CNTNAP2: variants seen among roughly 807,000 people sequenced by gnomAD.
CNTNAP2 encodes the protein contactin-associated protein-like 2.
In CNTNAP2, 98 loss-of-function variants were observed where a neutral mutation model predicts 155.2. The observed-to-expected ratio is 0.63, with a 90% CI of 0.54 to 0.75. The LOEUF (loss-of-function observed/expected upper bound fraction) is 0.75, where lower values mean the gene tolerates loss of function less well. Ranked by LOEUF, CNTNAP2 falls within the 30% of genes least tolerant of loss-of-function variation. The pLI, the probability that CNTNAP2 is intolerant of heterozygous loss-of-function variation, is 0.00. For synonymous variants in CNTNAP2, 651 were observed against 631.2 expected (o/e 1.03, Z -0.47); for missense variants, 1,727 against 1,688.1 (o/e 1.02, Z -0.40).
At chr7:147,636,084 C>A (rs181876716) in intron 12 of CNTNAP2, among the ~76,000 whole-genome samples, 2 of 152,182 alleles carry the variant, frequency 1.3e-5, no homozygotes, top group East Asian at 1.9e-4. Flanking sequence ...CAGAAAGTGA[C>A]AGAATTACTA....
At chr7:146,568,420 A>C (rs1302354775) in intron 1 of CNTNAP2, among the ~76,000 whole-genome samples, 5 of 152,190 alleles carry the variant, frequency 3.3e-5, no homozygotes, top group Non-Finnish European at 5.9e-5. Context: ...ACAAAGGAGC[A>C]GTTTCTTTAT....
chr7:147,551,191 T>G (rs546174108), intron 11 of CNTNAP2, among the ~76,000 whole-genome samples: 2 of 152,236 alleles, frequency 1.3e-5, no homozygotes, highest in Non-Finnish European at 2.9e-5. Flanking sequence ...CAGGTTCAAC[T>G]ATTCTAGCAG....
rs1491437826 is a variant in CNTNAP2, at chr7:146,668,427, CCT to C, written c.98-105843_98-105842del. Among the ~76,000 whole-genome samples, 551 of 101,214 alleles carry C rather than the reference CCT, an allele frequency of 5.4e-3. 4 individuals are homozygous for C. The highest frequency in any genetic ancestry group is 0.02 in the African/African-American group (530 of 26,738). The allele number at this position is 101,214 out of a possible 152,430, so 66.4% of individuals were successfully genotyped here. A position where few individuals can be genotyped will look rare whatever the true frequency, so the allele number is the denominator to read the frequency against. On this transcript the variant is annotated intron_variant, in intron 1 of 23. Coordinates refer to ENST00000361727, the MANE Select transcript of CNTNAP2 (RefSeq NM_014141.6). ...GTCAGAGGTATTGGCCTGTAATTTT[CCT>C]GTGTGTGTGTGTGTGTGTGTGTGTG...
At chr7:147,154,925 G>A (rs1444090832) in intron 8 of CNTNAP2, among the ~76,000 whole-genome samples, 1 of 152,006 alleles carries the variant, frequency 6.6e-6, no homozygotes, top group African/African-American at 2.4e-5. Context: ...GGGCAAGTCA[G>A]GAAAGTGGAA....
At chr7:147,833,566 G>A (rs897065475) in intron 13 of CNTNAP2, among the ~76,000 whole-genome samples, 4 of 152,194 alleles carry the variant, frequency 2.6e-5, no homozygotes, top group Non-Finnish European at 4.4e-5. Context: ...GCTACCGAGG[G>A]ATTAGACATT....
intron 1 of CNTNAP2, among the ~76,000 whole-genome samples, chr7:146,454,586 G>A (rs1300749171): frequency 1.3e-5 from 2 of 151,628 alleles, no homozygotes; most frequent in African/African-American, 4.8e-5. Flanking sequence ...AATACTTTAT[G>A]AAGTATTGTA....
intron 1 of CNTNAP2, among the ~76,000 whole-genome samples, chr7:146,364,049 C>T (rs1464454306): frequency 6.6e-6 from 1 of 152,118 alleles, no homozygotes; most frequent in African/African-American, 2.4e-5. Flanking sequence ...TGGAAAAGGG[C>T]GAATCATGAG....
At chr7:146,808,234 C>T (rs186875647) in intron 2 of CNTNAP2, among the ~76,000 whole-genome samples, 6 of 152,154 alleles carry the variant, frequency 3.9e-5, no homozygotes, top group African/African-American at 1.4e-4. Flanking sequence ...AAAATTAAAC[C>T]CCAAAGACAA....
rs1180602064 is a variant in CNTNAP2, at chr7:147,740,262, C to CG, written c.2098+100956_2098+100957insG. Reference sequence around the variant, plus strand: ...CTAAGAGTGTGATATGTGCAGCAAGCATTTAAATTTAGATATCAAATTGTT... The same window carrying CG: ...CTAAGAGTGTGATATGTGCAGCAAGCGATTTAAATTTAGATATCAAATTGTT... On this transcript the variant is annotated intron_variant, in intron 13 of 23. Transcript: ENST00000361727. Among the ~76,000 whole-genome samples the CG allele has an allele frequency of 6.4e-4, 46 of 72,310 alleles. 1 individual carries two copies. The highest frequency in any genetic ancestry group is 1.7e-3 in the Admixed American group (9 of 5,174). The allele number at this position is 72,310 out of a possible 152,430, so 47.4% of individuals were successfully genotyped here.
chr7:148,149,793 C>T (rs970973068), intron 17 of CNTNAP2, among the ~76,000 whole-genome samples: 5 of 152,028 alleles, frequency 3.3e-5, no homozygotes, highest in Non-Finnish European at 7.4e-5. Flanking sequence ...CTCAGGTGAT[C>T]CACCCACCTC....
chr7:147,382,316 A>G (rs994096634), intron 9 of CNTNAP2, among the ~76,000 whole-genome samples: 11 of 152,162 alleles, frequency 7.2e-5, no homozygotes, highest in African/African-American at 2.7e-4. Context: ...AGTGGACAGT[A>G]GAAAATCTGT....
At chr7:146,683,872 G>A (rs1800548428) in intron 1 of CNTNAP2, among the ~76,000 whole-genome samples, 1 of 152,212 alleles carries the variant, frequency 6.6e-6, no homozygotes, top group Admixed American at 6.5e-5. Flanking sequence ...CCCTGTGGGT[G>A]TGTAGAACTG....
At chr7:147,083,563 T>TAC (rs1333335047) in intron 4 of CNTNAP2, among the ~76,000 whole-genome samples, 3 of 136,176 alleles carry the variant, frequency 2.2e-5, no homozygotes, top group African/African-American at 3.1e-5. Context: ...TATATATATA[T>TAC]ACACATATAT....
chr7:147,260,462 G>C (rs1804434393), intron 8 of CNTNAP2, among the ~76,000 whole-genome samples: 1 of 152,036 alleles, frequency 6.6e-6, no homozygotes, highest in East Asian at 1.9e-4. Flanking sequence ...TTATCTTCAA[G>C]GGTTTGAAAT....
intron 2 of CNTNAP2, among the ~76,000 whole-genome samples, chr7:146,809,579 G>A (rs1803028473): frequency 6.6e-6 from 1 of 151,832 alleles, no homozygotes; most frequent in South Asian, 2.1e-4. Flanking sequence ...GGCCAGGCTG[G>A]TCTCGAACTC....
At chr7:146,865,810 C>T (rs1167106292) in intron 3 of CNTNAP2, among the ~76,000 whole-genome samples, 1 of 152,070 alleles carries the variant, frequency 6.6e-6, no homozygotes, top group Non-Finnish European at 1.5e-5. Context: ...TCAAATGACA[C>T]ACTAAGAAAA....
chr7:146,671,921 T>G (rs986217133), intron 1 of CNTNAP2, among the ~76,000 whole-genome samples: 6 of 152,102 alleles, frequency 3.9e-5, no homozygotes, highest in African/African-American at 1.4e-4. Flanking sequence ...GTTCAAGCGA[T>G]TCTCCTGCTT....
At chr7:146,864,979 CAG>C (rs1795174105) in intron 3 of CNTNAP2, among the ~76,000 whole-genome samples, 1 of 98,648 alleles carries the variant, frequency 1.0e-5, no homozygotes, top group Non-Finnish European at 1.8e-5. Flanking sequence ...GTCTGAGTGA[CAG>C]AGTCTATCTA....
At chr7:146,987,410 C>A (rs565678902) in intron 3 of CNTNAP2, among the ~76,000 whole-genome samples, 1 of 151,954 alleles carries the variant, frequency 6.6e-6, no homozygotes, top group Non-Finnish European at 1.5e-5. Context: ...AAGGTAAATA[C>A]AAATAAATGA....
Sources: gnomAD v4.1 joint callset for allele counts (sites outside exome capture counted in the v4.1 genomes callset) on GRCh38, gnomAD v4.1.1 for gene constraint, MANE v1.5 for transcripts, NCBI Gene and HGNC (gene_info 2026-07-23, HGNC 2026-07-21) for gene names.